The following TTC33 variants were observed in gnomAD, a reference collection of about 807,000 sequenced individuals.
TTC33 encodes tetratricopeptide repeat protein 33.
TTC33 carries 24 observed loss-of-function variants against 29.4 expected under a neutral mutation model. That is an observed-to-expected ratio of 0.82 (90% CI 0.59 to 1.15). The LOEUF is 1.15. Ranked by LOEUF, TTC33 falls within the 50% of genes most tolerant of loss-of-function variation. The probability of loss-of-function intolerance (pLI) is 0.00; values close to 1 mark genes in which losing one functional copy is unlikely to be tolerated. For missense variants in TTC33, 286 were observed against 310.4 expected (o/e 0.92, Z 0.59); for synonymous variants, 107 against 100.3 (o/e 1.07, Z -0.40).
At chr5:40,746,731 C>A (rs1423028840) in intron 2 of TTC33, 67 bp downstream of exon 2, 1 of 1,140,056 alleles carries the variant, frequency 8.8e-7, no homozygotes, top group Non-Finnish European at 1.2e-6. Context: ...AACTCTTCAT[C>A]CCATTACGGA....
intron 3 of TTC33, among the ~76,000 whole-genome samples, chr5:40,729,702 C>T (rs1030232626): frequency 1.3e-5 from 2 of 151,942 alleles, no homozygotes; most frequent in African/African-American, 2.4e-5. Flanking sequence ...TTTTTATTTA[C>T]TTATTTATTT....
chr5:40,716,621 C>G (rs914599370), intron 4 of TTC33, 123 bp from the exon 5 acceptor site: 1 of 649,946 alleles, frequency 1.5e-6, no homozygotes, highest in African/African-American at 1.8e-5. Context: ...TCTTAATGTA[C>G]TAGAACACAA....
At chr5:40,740,939 T>G (rs577287026) in intron 2 of TTC33, among the ~76,000 whole-genome samples, 1 of 152,242 alleles carries the variant, frequency 6.6e-6, no homozygotes. Flanking sequence ...TTCCTTTTTT[T>G]AATATATCTT....
intron 1 of TTC33, among the ~76,000 whole-genome samples, chr5:40,753,397 A>G (rs958849099): frequency 6.6e-6 from 1 of 152,078 alleles, no homozygotes; most frequent in African/African-American, 2.4e-5. Context: ...AGAAAGAAAG[A>G]AATATACAGG....
intron 4 of TTC33, among the ~76,000 whole-genome samples, chr5:40,717,229 CA>C (rs35359209): frequency 0.013 from 1,447 of 108,884 alleles, 23 homozygotes; most frequent in African/African-American, 0.041. Flanking sequence ...AACTCCATCT[CA>C]AAAAAAAAAA....
chr5:40,732,714 T>A (rs748365530), intron 2 of TTC33, among the ~76,000 whole-genome samples: 3 of 152,034 alleles, frequency 2.0e-5, no homozygotes, highest in Non-Finnish European at 2.9e-5. Flanking sequence ...GTTCAAGCGA[T>A]TCTCCTGCCT....
intron 2 of TTC33, among the ~76,000 whole-genome samples, chr5:40,743,428 T>A (rs1342194562): frequency 6.6e-6 from 1 of 152,204 alleles, no homozygotes; most frequent in African/African-American, 2.4e-5. Flanking sequence ...TTTTTTAATC[T>A]AATTTAATTA....
intron 1 of TTC33, among the ~76,000 whole-genome samples, chr5:40,748,457 A>G (rs1482682886): frequency 6.6e-6 from 1 of 152,126 alleles, no homozygotes; most frequent in Admixed American, 6.5e-5. Flanking sequence ...CACCCTCCCA[A>G]ATTGCTGGGA....
chr5:40,736,106 G>A (rs372787407), intron 2 of TTC33, among the ~76,000 whole-genome samples: 1 of 152,170 alleles, frequency 6.6e-6, no homozygotes, highest in Non-Finnish European at 1.5e-5. Flanking sequence ...AGGCACAAGG[G>A]GATGGGGTCT....
rs1395892377 is a variant in TTC33 at position 40,712,026 on chromosome 5, TC to T, written c.*4118del. ...TGGGTGTTTACATTTGTCAAAACTCTCCCAACTATAACGTTAAAATACTTGC... is the reference window on the plus strand; with the variant it reads ...TGGGTGTTTACATTTGTCAAAACTCTCCAACTATAACGTTAAAATACTTGC... On this transcript the variant is annotated 3_prime_UTR_variant, in exon 5 of 5. Transcript: ENST00000337702. Among the ~76,000 whole-genome samples the T allele has an allele frequency of 6.6e-6, 1 of 152,094 alleles. No individual in the cohort carries two copies. The highest frequency in any genetic ancestry group is 1.5e-5 in the Non-Finnish European group (1 of 67,996).
chr5:40,723,176 G>C (rs1742191043), intron 4 of TTC33, among the ~76,000 whole-genome samples: 1 of 151,976 alleles, frequency 6.6e-6, no homozygotes, highest in South Asian at 2.1e-4. Flanking sequence ...TGTCCACTCA[G>C]GGTTAAATGG....
chr5:40,722,639 C>G (rs1443153889), intron 4 of TTC33, among the ~76,000 whole-genome samples: 6 of 151,972 alleles, frequency 3.9e-5, no homozygotes, highest in Non-Finnish European at 7.4e-5. Flanking sequence ...GCAGCTGCCC[C>G]GTCTGGGAAG....
Position 40,728,423 on chromosome 5 carries a change from G to A in TTC33, c.357C>T (p.Ala119=), listed in dbSNP as rs1449124798. 2.2e-5 allele frequency: 36 copies of A among 1,613,570 alleles called. No homozygotes were observed. Among genetic ancestry groups the A allele is most frequent in the South Asian group, 4.4e-5 (4 of 91,058 alleles). The change falls in exon 4 of 5, where the codon GCC becomes GCT. Residue 119 remains alanine, a synonymous_variant. Transcript: ENST00000337702. ...MFPAVHAAEM[A]VQQNPHSWES... Reference sequence around the variant, plus strand: ...CCCATGAATGTGGATTTTGCTGGACGGCCATTTCTGCTGCATGTACTGCTG... The same window carrying A: ...CCCATGAATGTGGATTTTGCTGGACAGCCATTTCTGCTGCATGTACTGCTG...
chr5:40,743,304 A>G (rs1190590135), intron 2 of TTC33, among the ~76,000 whole-genome samples: 1 of 152,236 alleles, frequency 6.6e-6, no homozygotes, highest in East Asian at 1.9e-4. Context: ...GTCATAGCAC[A>G]AAGTTGTATA....
chr5:40,754,430 G>C (rs899348126), intron 1 of TTC33, among the ~76,000 whole-genome samples: 3 of 152,214 alleles, frequency 2.0e-5, no homozygotes, highest in African/African-American at 7.2e-5. Context: ...CCAGCAAACA[G>C]CGGCTAGTCA....
intron 1 of TTC33, among the ~76,000 whole-genome samples, chr5:40,753,174 G>C (rs976920325): frequency 3.9e-5 from 6 of 152,052 alleles, no homozygotes; most frequent in Non-Finnish European, 8.8e-5. Context: ...AGACAAGCCT[G>C]GCCAACATGG....
intron 4 of TTC33, among the ~76,000 whole-genome samples, chr5:40,723,124 A>G (rs977586421): frequency 3.9e-5 from 6 of 152,166 alleles, no homozygotes; most frequent in African/African-American, 1.2e-4. Context: ...CTGTTAATCT[A>G]TAACCTTACC....
At chr5:40,740,791 C>T (rs1439264217) in intron 2 of TTC33, among the ~76,000 whole-genome samples, 1 of 152,198 alleles carries the variant, frequency 6.6e-6, no homozygotes, top group East Asian at 1.9e-4. Context: ...CACCCCATGT[C>T]CTCTCATACA....
chr5:40,755,530 GA>G (rs1461934859), intron 1 of TTC33, among the ~76,000 whole-genome samples: 1 of 152,194 alleles, frequency 6.6e-6, no homozygotes, highest in Non-Finnish European at 1.5e-5. Context: ...ACCGCTCAGG[GA>G]AGGTTGCGGC....
Sources: gnomAD v4.1 joint callset for allele counts (sites outside exome capture counted in the v4.1 genomes callset) on GRCh38, gnomAD v4.1.1 for gene constraint, MANE v1.5 for transcripts, NCBI Gene and HGNC (gene_info 2026-07-23, HGNC 2026-07-21) for gene names.